CADPS2: variants seen among roughly 807,000 people sequenced by gnomAD.
CADPS2 encodes calcium-dependent secretion activator 2.
In CADPS2, 93 loss-of-function variants were observed where a neutral mutation model predicts 172.5. The observed-to-expected ratio is 0.54, with a 90% CI of 0.46 to 0.64. CADPS2 has a LOEUF of 0.64. Among genes scored for constraint, CADPS2 ranks in the 30% least tolerant of loss-of-function variants. The probability of loss-of-function intolerance (pLI) is 0.00; values close to 1 mark genes in which losing one functional copy is unlikely to be tolerated. For synonymous variants in CADPS2, 546 were observed against 555.2 expected (o/e 0.98, Z 0.23); for missense variants, 1,420 against 1,565.9 (o/e 0.91, Z 1.57).
At chr7:122,763,494 G>T (rs937049402) in intron 1 of CADPS2, among the ~76,000 whole-genome samples, 1 of 152,120 alleles carries the variant, frequency 6.6e-6, no homozygotes, top group Non-Finnish European at 1.5e-5. Flanking sequence ...CCAAAGTATT[G>T]ATATATTTTG....
chr7:122,338,419 C>A (rs925815204), intron 28 of CADPS2, among the ~76,000 whole-genome samples: 5 of 151,856 alleles, frequency 3.3e-5, no homozygotes, highest in African/African-American at 1.2e-4. Flanking sequence ...AACAAACAAA[C>A]AAATAAATAA....
chr7:122,677,280 G>A (rs2082477681), intron 2 of CADPS2, among the ~76,000 whole-genome samples: 1 of 152,210 alleles, frequency 6.6e-6, no homozygotes, highest in African/African-American at 2.4e-5. Flanking sequence ...GCTTCCCTGA[G>A]GAGGTGAGCA....
intron 6 of CADPS2, among the ~76,000 whole-genome samples, chr7:122,613,268 C>T (rs1272828807): frequency 6.6e-6 from 1 of 151,938 alleles, no homozygotes; most frequent in Non-Finnish European, 1.5e-5. Context: ...ATTTGCAAAT[C>T]ACATATATGA....
intron 3 of CADPS2, among the ~76,000 whole-genome samples, chr7:122,645,154 T>C (rs184515019): frequency 4.8e-4 from 72 of 150,496 alleles, no homozygotes; most frequent in Non-Finnish European, 1.8e-4. Context: ...GGGACTTCTA[T>C]AACCTAGAGA....
intron 12 of CADPS2, among the ~76,000 whole-genome samples, chr7:122,477,351 T>C (rs563100303): frequency 1.1e-4 from 16 of 151,692 alleles, no homozygotes; most frequent in African/African-American, 3.9e-4. Context: ...CGTCTCTTAC[T>C]AAAAAACACA....
At chr7:122,751,637 A>G (rs1352267457) in intron 1 of CADPS2, among the ~76,000 whole-genome samples, 2 of 152,204 alleles carry the variant, frequency 1.3e-5, no homozygotes, top group Non-Finnish European at 2.9e-5. Flanking sequence ...CACACGGCAC[A>G]TACAAGTCTC....
At chr7:122,833,285 C>T (rs1807172510) in intron 1 of CADPS2, among the ~76,000 whole-genome samples, 1 of 152,074 alleles carries the variant, frequency 6.6e-6, no homozygotes, top group Non-Finnish European at 1.5e-5. Context: ...CATTTTTCAC[C>T]ATATTGTTAT....
chr7:122,538,191 T>A (rs1405779348), intron 8 of CADPS2, among the ~76,000 whole-genome samples: 1 of 151,178 alleles, frequency 6.6e-6, no homozygotes, highest in Non-Finnish European at 1.5e-5. Flanking sequence ...TGCAAAAAAA[T>A]TACTGTCCAA....
At chr7:122,349,951 A>C (rs1030448816) in intron 27 of CADPS2, among the ~76,000 whole-genome samples, 2 of 152,190 alleles carry the variant, frequency 1.3e-5, no homozygotes, top group African/African-American at 4.8e-5. Flanking sequence ...AATACACTAC[A>C]CAAACACTGT....
intron 20 of CADPS2, among the ~76,000 whole-genome samples, chr7:122,398,441 A>G (rs1563235593): frequency 6.6e-6 from 1 of 152,164 alleles, no homozygotes; most frequent in African/African-American, 2.4e-5. Context: ...CAAACTTCTC[A>G]TTAGGCATTT....
rs972695666 is a variant in CADPS2, at chr7:122,661,969, G to C, written c.786+1268C>G. 3.3e-5 allele frequency among the ~76,000 whole-genome samples: 5 copies of C among 151,976 alleles called. No individual in the cohort carries two copies. In the South Asian group the frequency reaches 1.0e-3, roughly 32 times the overall value. On this transcript the variant is annotated intron_variant, in intron 3 of 29. Transcript: ENST00000449022. ...TTCCACTATTATCAAATAACTACCT[G>C]GTTTAATAAAACAATGAAATCAATT...
chr7:122,712,522 A>C (rs1242179899), intron 2 of CADPS2, among the ~76,000 whole-genome samples: 1 of 152,142 alleles, frequency 6.6e-6, no homozygotes, highest in Non-Finnish European at 1.5e-5. Context: ...CTCCTGTCCT[A>C]ATGACTCTTT....
At position 122,469,772 on chromosome 7, in the gene CADPS2, C is replaced by G. The variant is rs2055662806; in HGVS notation, c.2186+1603G>C. 2.1e-5 allele frequency among the ~76,000 whole-genome samples: 3 copies of G among 146,208 alleles called. 1 individual carries two copies. In the South Asian group the frequency reaches 6.7e-4, roughly 33 times the overall value. On this transcript the variant is annotated intron_variant, in intron 14 of 29. Coordinates refer to ENST00000449022, the MANE Select transcript of CADPS2 (RefSeq NM_017954.11). ...GTGGAGGATAATAGGTGAATGAGAA[C>G]TGATTTTTGCCTTTAAAATATGATC... is the stretch of plus-strand genomic sequence containing the variant.
intron 25 of CADPS2, among the ~76,000 whole-genome samples, chr7:122,362,421 G>A (rs527627382): frequency 1.3e-5 from 2 of 152,166 alleles, no homozygotes; most frequent in African/African-American, 4.8e-5. Flanking sequence ...ATGGACTAGG[G>A]TGAGGGGGGT....
At chr7:122,581,928 T>C (rs1193598384) in intron 6 of CADPS2, among the ~76,000 whole-genome samples, 5 of 152,230 alleles carry the variant, frequency 3.3e-5, no homozygotes, top group Admixed American at 2.6e-4. Flanking sequence ...CAAAATAACA[T>C]GCTTTCTTGG....
chr7:122,562,988 T>G (rs1340242826), intron 7 of CADPS2, among the ~76,000 whole-genome samples: 1 of 152,178 alleles, frequency 6.6e-6, no homozygotes, highest in Non-Finnish European at 1.5e-5. Context: ...AACCTAACGA[T>G]TAAGAATTAT....
rs183792708 is a variant in CADPS2, at chr7:122,862,277, C to T, written c.339+23722G>A. Among the ~76,000 whole-genome samples, 50 of 152,296 alleles carry T rather than the reference C, an allele frequency of 3.3e-4. 1 individual carries two copies. The highest frequency in any genetic ancestry group is 4.8e-5 in the African/African-American group (2 of 41,566). ...ATTCTTCCTTTGTCCTCAAATTCAC[C>T]GTCTATTCTCTGCTCTGTGCCTTGG... On this transcript the variant is annotated intron_variant, in intron 1 of 29. Transcript: ENST00000449022.
chr7:122,707,388 C>A (rs2087753249), intron 2 of CADPS2, among the ~76,000 whole-genome samples: 1 of 152,084 alleles, frequency 6.6e-6, no homozygotes, highest in East Asian at 1.9e-4. Flanking sequence ...AACTAACTGA[C>A]CTCTACCCCT....
intron 1 of CADPS2, among the ~76,000 whole-genome samples, chr7:122,786,130 T>C (rs1369250122): frequency 6.6e-6 from 1 of 152,228 alleles, no homozygotes; most frequent in Non-Finnish European, 1.5e-5. Flanking sequence ...TCATATAACT[T>C]CTAGAAGGGA....
Sources: allele counts gnomAD v4.1 joint callset (sites outside exome capture counted in the v4.1 genomes callset), GRCh38; gene constraint gnomAD v4.1.1; transcripts MANE v1.5; gene names NCBI Gene and HGNC (gene_info 2026-07-23, HGNC 2026-07-21).